Variants in STEAP3 observed in about 807,000 individuals in gnomAD.
STEAP3 encodes metalloreductase STEAP3.
In STEAP3, 35 loss-of-function variants were observed where a neutral mutation model predicts 34.9. The ratio of observed to expected loss-of-function variants is 1.00; its 90% CI spans 0.76 to 1.33. The LOEUF (loss-of-function observed/expected upper bound fraction) is 1.33, where lower values mean the gene tolerates loss of function less well. Among genes scored for constraint, STEAP3 ranks in the 40% most tolerant of loss-of-function variants. The probability of loss-of-function intolerance (pLI) is 0.00; values close to 1 mark genes in which losing one functional copy is unlikely to be tolerated. For synonymous variants in STEAP3, 281 were observed against 301.6 expected, an observed-to-expected ratio of 0.93 and a Z score of 0.71; for missense variants, 652 against 667.6, an observed-to-expected ratio of 0.98 and a Z score of 0.26.
At chr2:119,257,501 A>C (rs1440776414) in intron 5 of STEAP3, 2 of 1,544,504 alleles carry the variant, frequency 1.3e-6, no homozygotes, top group South Asian at 2.4e-5. Flanking sequence ...GTGGAACCCG[A>C]AGACCTGAAT....
At chr2:119,254,392 G>T (rs1363522535) in intron 4 of STEAP3, among the ~76,000 whole-genome samples, 1 of 152,108 alleles carries the variant, frequency 6.6e-6, no homozygotes, top group Non-Finnish European at 1.5e-5. Context: ...AGGCTGAGTG[G>T]GTCCTGATCC....
chr2:119,224,046 C>G (rs531185085), intron 1 of STEAP3, among the ~76,000 whole-genome samples, 158 bp downstream of exon 1: 2 of 152,332 alleles, frequency 1.3e-5, no homozygotes, highest in South Asian at 4.1e-4. Context: ...CACGTGCGCC[C>G]GGCGGCAGAG....
chr2:119,261,995 C>T (rs1677954916), intron 5 of STEAP3, among the ~76,000 whole-genome samples: 3 of 152,134 alleles, frequency 2.0e-5, no homozygotes, highest in South Asian at 4.1e-4. Flanking sequence ...GTAGGCCCAG[C>T]GGGGTTTCCA....
chr2:119,241,539 G>T (rs1677246243), intron 2 of STEAP3, among the ~76,000 whole-genome samples: 1 of 152,240 alleles, frequency 6.6e-6, no homozygotes, highest in South Asian at 2.1e-4. Flanking sequence ...AGGACCATAA[G>T]TCTAGGACTT....
At chr2:119,228,839 G>T (rs1046473769) in intron 1 of STEAP3, among the ~76,000 whole-genome samples, 1 of 152,102 alleles carries the variant, frequency 6.6e-6, no homozygotes, top group African/African-American at 2.4e-5. Context: ...GCTCAGGGTA[G>T]AGCCAAGGTC....
At chr2:119,233,733 G>C (rs1477050440) in intron 2 of STEAP3, among the ~76,000 whole-genome samples, 1 of 152,210 alleles carries the variant, frequency 6.6e-6, no homozygotes, top group Non-Finnish European at 1.5e-5. Flanking sequence ...GACAAAAAGT[G>C]CAGAGTTAGT....
In STEAP3 at chr2:119,225,932, C is replaced by T. The variant is rs538825263; in HGVS notation, c.-394+2044C>T. Among the ~76,000 whole-genome samples, 8 of 152,352 alleles carry T rather than the reference C, an allele frequency of 5.3e-5. No individual in the cohort carries two copies. The South Asian group carries it at 6.2e-4, about 12-fold the overall frequency. On this transcript the variant is annotated intron_variant, in intron 1 of 5. Transcript: ENST00000393110. Reference sequence around the variant, plus strand: ...TGAGTTTTAGGAGTGCAGTAAATATCGGATCCCTCCTTCTTCACCTCAGGT... The same window carrying T: ...TGAGTTTTAGGAGTGCAGTAAATATTGGATCCCTCCTTCTTCACCTCAGGT...
chr2:119,224,355 CA>C (rs1245358091), intron 1 of STEAP3, among the ~76,000 whole-genome samples: 1 of 152,180 alleles, frequency 6.6e-6, no homozygotes, highest in East Asian at 1.9e-4. Context: ...AGGGCAGGGA[CA>C]GGGGCAGGTG....
At chr2:119,258,774 A>ATTTTTTTTTTTT (rs57860527) in intron 5 of STEAP3, among the ~76,000 whole-genome samples, 1 of 121,050 alleles carries the variant, frequency 8.3e-6, no homozygotes, top group African/African-American at 3.2e-5. Context: ...CACCTGGCTA[A>ATTTTTTTTTTTT]TTTTTTTTTT....
chr2:119,228,454 C>A (rs1050984459), intron 1 of STEAP3, among the ~76,000 whole-genome samples: 7 of 152,186 alleles, frequency 4.6e-5, no homozygotes, highest in African/African-American at 1.7e-4. Flanking sequence ...TCCATCAAAT[C>A]GCCCCAACCT....
At chr2:119,257,306 G>A (rs1677801695) in intron 5 of STEAP3, 1 of 960,386 alleles carries the variant, frequency 1.0e-6, no homozygotes, top group Non-Finnish European at 1.4e-6. Flanking sequence ...CTTACTGTGA[G>A]TCCCTGTCAA....
At chr2:119,227,810 G>GTATGTATTTATTTATT (rs1553437010) in intron 1 of STEAP3, among the ~76,000 whole-genome samples, 2 of 145,256 alleles carry the variant, frequency 1.4e-5, no homozygotes, top group African/African-American at 2.6e-5. Flanking sequence ...CCCATTTCTT[G>GTATGTATTTATTTATT]TATTTATTTA....
intron 4 of STEAP3, among the ~76,000 whole-genome samples, chr2:119,252,807 C>T (rs1225165141): frequency 6.6e-6 from 1 of 152,180 alleles, no homozygotes; most frequent in African/African-American, 2.4e-5. Flanking sequence ...CCTAGCCCAC[C>T]TCATCCCTCC....
intron 2 of STEAP3, among the ~76,000 whole-genome samples, chr2:119,239,714 C>T (rs926997267): frequency 5.9e-5 from 9 of 152,152 alleles, no homozygotes; most frequent in African/African-American, 1.9e-4. Flanking sequence ...TCCCAGTCCC[C>T]GCTGTCCGAA....
At chr2:119,255,018 T>C (rs562109291) in intron 5 of STEAP3, among the ~76,000 whole-genome samples, 170 bp downstream of exon 5, 14 of 152,186 alleles carry the variant, frequency 9.2e-5, no homozygotes, top group African/African-American at 3.1e-4. Flanking sequence ...AGCCTCTTGA[T>C]AGGGGCTGCC....
intron 1 of STEAP3, among the ~76,000 whole-genome samples, chr2:119,227,286 A>T (rs1281471338): frequency 1.3e-5 from 2 of 152,186 alleles, no homozygotes; most frequent in African/African-American, 4.8e-5. Context: ...CTGATGGGCG[A>T]CTGCTTGTGG....
chr2:119,251,559 T>C (rs1677627165), intron 4 of STEAP3, among the ~76,000 whole-genome samples: 1 of 152,146 alleles, frequency 6.6e-6, no homozygotes, highest in African/African-American at 2.4e-5. Context: ...CGTTCTCCTA[T>C]TACCTTCACC....
intron 5 of STEAP3, among the ~76,000 whole-genome samples, chr2:119,255,287 A>G (rs1261167193): frequency 6.6e-6 from 1 of 151,738 alleles, no homozygotes; most frequent in Non-Finnish European, 1.5e-5. Context: ...CCTCATCTCA[A>G]CCTGGCTCTG....
At position 119,246,153 on chromosome 2, in the gene STEAP3, A is replaced by T. The variant is rs186228004; in HGVS notation, c.522+165A>T. Reference sequence around the variant, plus strand: ...AAATTGTGGCTCAAAGACATTAATGATCTTACTGAAAATTCCATAGCTGGT... The same window carrying T: ...AAATTGTGGCTCAAAGACATTAATGTTCTTACTGAAAATTCCATAGCTGGT... On this transcript the variant is annotated intron_variant, in intron 3 of 5. Coordinates refer to ENST00000393110, the MANE Select transcript of STEAP3 (RefSeq NM_182915.3). The T allele has an allele frequency of 1.9e-5, 19 of 979,378 alleles. No homozygotes were observed. In the Admixed American group the frequency reaches 2.0e-4, roughly 10 times the overall value. 60.7% of individuals were successfully genotyped at this position (979,378 alleles called of 1,614,324 possible).
Sources: gnomAD v4.1 joint callset for allele counts (sites outside exome capture counted in the v4.1 genomes callset) on GRCh38, gnomAD v4.1.1 for gene constraint, MANE v1.5 for transcripts, NCBI Gene and HGNC (gene_info 2026-07-23, HGNC 2026-07-21) for gene names.